WDR64: variants seen among roughly 807,000 people sequenced by gnomAD.
WDR64 encodes WD repeat-containing protein 64.
Under a neutral mutation model 139.3 loss-of-function variants are expected in WDR64, and 112 were observed. The observed-to-expected ratio is 0.80, with a 90% CI of 0.69 to 0.94. The LOEUF is 0.94. Among genes scored for constraint, WDR64 ranks in the 40% least tolerant of loss-of-function variants. WDR64 has a pLI of 0.00. For missense variants in WDR64, 1,206 were observed against 1,293.1 expected, an observed-to-expected ratio of 0.93 and a Z score of 1.03; for synonymous variants, 444 against 437.7, an observed-to-expected ratio of 1.01 and a Z score of -0.18.
intron 24 of WDR64, among the ~76,000 whole-genome samples, chr1:241,789,142 C>A (rs1285688433): frequency 6.6e-6 from 1 of 152,050 alleles, no homozygotes; most frequent in South Asian, 2.1e-4. Context: ...ATATCACAAG[C>A]AGAGGGAGCA....
intron 13 of WDR64, among the ~76,000 whole-genome samples, chr1:241,746,960 A>G (rs6659877): frequency 0.027 from 4,059 of 152,058 alleles, 190 homozygotes; most frequent in African/African-American, 0.093. Flanking sequence ...GGGTTTTGCT[A>G]TGTTGCCCAG....
chr1:241,663,808 A>C (rs1558460118), intron 2 of WDR64, among the ~76,000 whole-genome samples: 1 of 152,292 alleles, frequency 6.6e-6, no homozygotes, highest in Non-Finnish European at 1.5e-5. Context: ...AGGACAGATT[A>C]CAGAATATGT....
chr1:241,676,620 CT>C, intron 4 of WDR64, among the ~76,000 whole-genome samples: 1 of 152,186 alleles, frequency 6.6e-6, no homozygotes, highest in East Asian at 1.9e-4. Flanking sequence ...TCCAGAGATG[CT>C]TTACAAACAT....
chr1:241,761,276 A>ATTAC (rs1657883577), intron 15 of WDR64, among the ~76,000 whole-genome samples: 1 of 152,178 alleles, frequency 6.6e-6, no homozygotes, highest in Non-Finnish European at 1.5e-5. Flanking sequence ...GACATTGAAA[A>ATTAC]ATCTAGTTAA....
In WDR64 at chr1:241,652,508, T is replaced by C. The variant is rs771141244; in HGVS notation, c.24T>C (p.Arg8=). The change falls in exon 1 of 28, where the codon CGT becomes CGC. Residue 8 remains arginine (R), a synonymous_variant. Coordinates refer to ENST00000437684, the MANE Select transcript of WDR64 (RefSeq NM_001367482.1). The stretch of plus-strand genomic sequence containing the variant: ...CTATGGATATCAGGAAGGAAAAGCG[T>C]CTCAACATGGCACTTCAGATGAGCA... MDIRKEK[R]LNMALQMSNF... is the part of the protein sequence containing the mutation. 1.9e-6 allele frequency: 3 copies of C among 1,552,222 alleles called. No homozygotes were observed. The highest frequency in any genetic ancestry group is 2.6e-6 in the Non-Finnish European group (3 of 1,147,102).
At chr1:241,734,579 T>G (rs1222623547) in intron 10 of WDR64, among the ~76,000 whole-genome samples, 1 of 152,082 alleles carries the variant, frequency 6.6e-6, no homozygotes, top group Non-Finnish European at 1.5e-5. Context: ...AATTCCTATT[T>G]GACCAAGACA....
At chr1:241,754,760 C>T (rs537959696) in intron 14 of WDR64, among the ~76,000 whole-genome samples, 4 of 152,058 alleles carry the variant, frequency 2.6e-5, no homozygotes, top group East Asian at 1.9e-4. Flanking sequence ...GTGATGTTCC[C>T]CTCCCTGTGT....
chr1:241,716,971 T>G (rs1440526471), intron 9 of WDR64, among the ~76,000 whole-genome samples: 1 of 152,198 alleles, frequency 6.6e-6, no homozygotes, highest in Non-Finnish European at 1.5e-5. Context: ...TAGATTTTCT[T>G]CTGGGGATAT....
At chr1:241,658,196 GC>G (rs1280513458) in intron 1 of WDR64, among the ~76,000 whole-genome samples, 1 of 151,952 alleles carries the variant, frequency 6.6e-6, no homozygotes, top group Non-Finnish European at 1.5e-5. Context: ...GTTTGAGAAA[GC>G]CTCACATCTA....
At chr1:241,735,819 T>TTCTCTC (rs761227702) in intron 10 of WDR64, among the ~76,000 whole-genome samples, 17 of 129,166 alleles carry the variant, frequency 1.3e-4, no homozygotes, top group African/African-American at 4.2e-4. Flanking sequence ...GTCCTTCTCT[T>TTCTCTC]TCTATCTCTC....
At chr1:241,689,497 G>C (rs1327178431) in intron 8 of WDR64, among the ~76,000 whole-genome samples, 2 of 152,172 alleles carry the variant, frequency 1.3e-5, no homozygotes, top group Non-Finnish European at 2.9e-5. Flanking sequence ...GGATAAAGAA[G>C]GGCATTACAT....
intron 19 of WDR64, 113 bp downstream of exon 19, chr1:241,771,810 TTATA>T (rs1340406665): frequency 6.2e-6 from 3 of 481,700 alleles, no homozygotes; most frequent in Non-Finnish European, 9.5e-6. Context: ...TATAAATTCA[TTATA>T]TATATTCATA....
chr1:241,739,898 C>T (rs4129809), intron 11 of WDR64, among the ~76,000 whole-genome samples: 289 of 152,292 alleles, frequency 1.9e-3, no homozygotes, highest in African/African-American at 6.6e-3. Flanking sequence ...ATGAAGCAAC[C>T]ATCAGTCCTC....
At chr1:241,719,604 C>T (rs1050288550) in intron 9 of WDR64, among the ~76,000 whole-genome samples, 1 of 152,058 alleles carries the variant, frequency 6.6e-6, no homozygotes, top group Non-Finnish European at 1.5e-5. Context: ...ATCAAATTTG[C>T]CTGGTTTATA....
intron 9 of WDR64, among the ~76,000 whole-genome samples, chr1:241,717,733 C>T (rs1042436023): frequency 1.3e-5 from 2 of 152,016 alleles, no homozygotes; most frequent in Non-Finnish European, 2.9e-5. Context: ...ATACTCTTTA[C>T]AAATAGTTGT....
chr1:241,668,305 C>A (rs142272192), intron 2 of WDR64, among the ~76,000 whole-genome samples: 2 of 151,782 alleles, frequency 1.3e-5, no homozygotes, highest in African/African-American at 4.8e-5. Flanking sequence ...GTCAGGAGTT[C>A]GAGACCAGCC....
At chr1:241,690,500 A>G (rs1386479153) in intron 8 of WDR64, among the ~76,000 whole-genome samples, 3 of 152,026 alleles carry the variant, frequency 2.0e-5, no homozygotes, top group African/African-American at 4.8e-5. Context: ...AATGAGCCAG[A>G]GGGGAAAAAA....
At chr1:241,740,757 C>G (rs1002828683) in intron 11 of WDR64, among the ~76,000 whole-genome samples, 22 of 152,006 alleles carry the variant, frequency 1.4e-4, no homozygotes, top group Admixed American at 1.0e-3. Flanking sequence ...AACCTCCCTC[C>G]GGGGTTCAAG....
chr1:241,755,346 G>A (rs1401741168), intron 14 of WDR64, among the ~76,000 whole-genome samples: 2 of 152,040 alleles, frequency 1.3e-5, no homozygotes, highest in Non-Finnish European at 2.9e-5. Context: ...TTTCATGTTT[G>A]TTGGCTGCAT....
Sources: allele counts gnomAD v4.1 joint callset (sites outside exome capture counted in the v4.1 genomes callset), GRCh38; gene constraint gnomAD v4.1.1; transcripts MANE v1.5; gene names NCBI Gene and HGNC (gene_info 2026-07-23, HGNC 2026-07-21).